HTRA3: variants seen among roughly 807,000 people sequenced by gnomAD.
The protein encoded by HTRA3 is HtrA serine peptidase 3, also known as serine protease HTRA3.
Under a neutral mutation model 43.2 loss-of-function variants are expected in HTRA3, and 41 were observed. The observed-to-expected ratio is 0.95, with a 90% CI of 0.74 to 1.23. The LOEUF (loss-of-function observed/expected upper bound fraction) is 1.23. Among genes scored for constraint, HTRA3 ranks in the 50% most tolerant of loss-of-function variants. The probability of loss-of-function intolerance (pLI) is 0.00; values close to 1 mark genes in which losing one functional copy is unlikely to be tolerated. For synonymous variants in HTRA3, 295 were observed against 287.9 expected, an observed-to-expected ratio of 1.02 and a Z score of -0.25; for missense variants, 628 against 647.1, an observed-to-expected ratio of 0.97 and a Z score of 0.32.
At position 8,279,697 on chromosome 4, in the gene HTRA3, C is replaced by T. The variant is rs753769739; in HGVS notation, c.386-2740C>T. ...TCCTTCTGCTGTGTTCACACTGGGC[C>T]CAGGTCCCTGTGTGCCGTGGCTGCC... On this transcript the variant is annotated intron_variant, in intron 1 of 8. Coordinates refer to ENST00000307358, the MANE Select transcript of HTRA3 (RefSeq NM_053044.5). This position sits in a 1 kb window ranked among gnomAD's most constrained non-coding sequence, Gnocchi z 7.4. Among the ~76,000 whole-genome samples the T allele has an allele frequency of 4.6e-5, 7 of 152,166 alleles. No homozygotes were observed. Among genetic ancestry groups the T allele is most frequent in the Non-Finnish European group, 8.8e-5 (6 of 68,028 alleles).
intron 3 of HTRA3, among the ~76,000 whole-genome samples, chr4:8,287,650 T>C (rs1171918150): frequency 6.6e-6 from 1 of 152,104 alleles, no homozygotes; most frequent in Admixed American, 6.5e-5. Flanking sequence ...TCTGCCCCCA[T>C]GATCCCATCA....
At position 8,304,278 on chromosome 4, in the gene HTRA3, A is replaced by C; in HGVS notation, c.1195A>C (p.Arg399=). 6.2e-7 allele frequency: 1 copy of C among 1,613,620 alleles called. No homozygotes were observed. The highest frequency in any genetic ancestry group is 8.5e-7 in the Non-Finnish European group (1 of 1,179,550). The change falls in exon 8 of 9, where the codon AGA becomes CGA. Residue 399 remains arginine, a splice_region_variant and synonymous_variant. Coordinates refer to ENST00000307358, the MANE Select transcript of HTRA3 (RefSeq NM_053044.5). ...QEVAPNSPSQ[R]GGIQDGDIIV... ...GGTTGCGCCGAATTCACCTTCTCAGAGGTAGGCTCTGCCAGAGGAGATCGC... is the reference window on the plus strand; with the variant it reads ...GGTTGCGCCGAATTCACCTTCTCAGCGGTAGGCTCTGCCAGAGGAGATCGC...
rs933171251 is a variant in HTRA3, at chr4:8,295,577, T to C, written c.1051+1376T>C. 4 of 666,012 alleles carry C rather than the reference T, an allele frequency of 6.0e-6. No individual in the cohort carries two copies. The Admixed American group carries it at 1.7e-4, about 28-fold the overall frequency. 41.3% of individuals were successfully genotyped at this position (666,012 alleles called of 1,614,324 possible). ...GGGGCCTCTCCCTCCCCACCTTCTC[T>C]TCAGCCCTAGTGAGCTTCTCCCTCC... On this transcript the variant is annotated intron_variant, in intron 6 of 8. Coordinates refer to ENST00000307358, the MANE Select transcript of HTRA3 (RefSeq NM_053044.5). The surrounding 1 kb of genome is among the most constrained non-coding windows in gnomAD (Gnocchi z 6.9).
At chr4:8,273,312 C>T (rs767384973) in intron 1 of HTRA3, among the ~76,000 whole-genome samples, 2 of 152,180 alleles carry the variant, frequency 1.3e-5, no homozygotes, top group Non-Finnish European at 2.9e-5. Flanking sequence ...TCTGCCCTCC[C>T]GAGGTCCCAG....
chr4:8,287,620 TGAG>T (rs1713047001), intron 3 of HTRA3, among the ~76,000 whole-genome samples: 1 of 151,852 alleles, frequency 6.6e-6, no homozygotes, highest in Non-Finnish European at 1.5e-5. Context: ...CTCACCACCA[TGAG>T]AACAGCATGG....
At chr4:8,302,249 G>T (rs1713680234) in intron 6 of HTRA3, among the ~76,000 whole-genome samples, 1 of 152,144 alleles carries the variant, frequency 6.6e-6, no homozygotes, top group Non-Finnish European at 1.5e-5. Context: ...TGTGGGGCGA[G>T]CCACACTAGA....
intron 3 of HTRA3, 89 bp from the exon 4 acceptor site, chr4:8,291,280 TG>T: frequency 8.5e-7 from 1 of 1,175,220 alleles, no homozygotes; most frequent in Non-Finnish European, 1.3e-6. Context: ...ATGCCTTCCC[TG>T]GGACCCCCCT....
intron 1 of HTRA3, among the ~76,000 whole-genome samples, chr4:8,282,010 A>G (rs1370700770): frequency 6.6e-6 from 1 of 152,124 alleles, no homozygotes; most frequent in African/African-American, 2.4e-5. Context: ...GCTGGAGCCC[A>G]TGAGGAGAGG....
At chr4:8,290,116 T>C in intron 3 of HTRA3, among the ~76,000 whole-genome samples, 1 of 152,258 alleles carries the variant, frequency 6.6e-6, no homozygotes, top group East Asian at 1.9e-4. Flanking sequence ...TGTGCAGGCC[T>C]GGTTCCGCCA....
At chr4:8,274,301 G>A (rs1182169375) in intron 1 of HTRA3, among the ~76,000 whole-genome samples, 1 of 152,122 alleles carries the variant, frequency 6.6e-6, no homozygotes, top group East Asian at 1.9e-4. Context: ...GCCTTCACCC[G>A]GATGTCCCAC....
chr4:8,294,210 CTCA>C lies in HTRA3; in HGVS notation c.1051+10_1051+12del. ...AGACAAGCAGATCAAAGGTAAAGAG[CTCA>C]CCTGGAGGGGGCCAGAGGCAGGGGG... On this transcript the variant is annotated intron_variant, in intron 6 of 8. Coordinates refer to ENST00000307358, the MANE Select transcript of HTRA3 (RefSeq NM_053044.5). 6.3e-7 allele frequency: 1 copy of C among 1,592,608 alleles called. No individual in the cohort carries two copies.
At chr4:8,278,245 C>A (rs1413720204) in intron 1 of HTRA3, among the ~76,000 whole-genome samples, 1 of 152,080 alleles carries the variant, frequency 6.6e-6, no homozygotes, top group Non-Finnish European at 1.5e-5. Context: ...AGCCCTGGCA[C>A]CCTACTTGTC....
At position 8,296,538 on chromosome 4, in the gene HTRA3, G is replaced by A; in HGVS notation, c.1051+2337G>A. Reference sequence around the variant, plus strand: ...TTATTAAATCAAGGAGATGTTAAGTGCATTTATTATTCTCGTCTGGAGGTG... The same window carrying A: ...TTATTAAATCAAGGAGATGTTAAGTACATTTATTATTCTCGTCTGGAGGTG... On this transcript the variant is annotated intron_variant, in intron 6 of 8. Transcript: ENST00000307358. This position sits in a 1 kb window ranked among gnomAD's most constrained non-coding sequence, Gnocchi z 5.3. 1 of 985,082 alleles carries A rather than the reference G, an allele frequency of 1.0e-6. No homozygotes were observed. The highest frequency in any genetic ancestry group is 1.2e-6 in the Non-Finnish European group (1 of 829,612). 61.0% of individuals were successfully genotyped at this position (985,082 alleles called of 1,614,324 possible).
chr4:8,291,685 A>G (rs2153006044), intron 4 of HTRA3, 121 bp downstream of exon 4: 3 of 693,670 alleles, frequency 4.3e-6, no homozygotes, highest in East Asian at 5.6e-5. Context: ...CGACACATCC[A>G]CTTGCTAGAA....
intron 3 of HTRA3, among the ~76,000 whole-genome samples, chr4:8,290,647 T>G (rs1713197042): frequency 6.6e-6 from 1 of 152,222 alleles, no homozygotes; most frequent in African/African-American, 2.4e-5. Context: ...CGGCACCTTC[T>G]AACAAGCACC....
At chr4:8,276,982 G>C (rs1055273317) in intron 1 of HTRA3, among the ~76,000 whole-genome samples, 5 of 152,244 alleles carry the variant, frequency 3.3e-5, no homozygotes, top group Admixed American at 2.6e-4. Context: ...AGCCCAGCCT[G>C]ACGTCCCATG....
At chr4:8,303,808 C>T (rs952454135) in intron 7 of HTRA3, among the ~76,000 whole-genome samples, 1 of 144,656 alleles carries the variant, frequency 6.9e-6, no homozygotes, top group Non-Finnish European at 1.5e-5. Context: ...CTGTACGTTC[C>T]GTGACTCAGC....
intron 3 of HTRA3, among the ~76,000 whole-genome samples, chr4:8,289,368 G>A (rs1713134185): frequency 6.6e-6 from 1 of 152,242 alleles, no homozygotes; most frequent in African/African-American, 2.4e-5. Context: ...ACAGGTGGGT[G>A]TGGCTGCGTT....
At chr4:8,284,814 G>A (rs981083925) in intron 2 of HTRA3, among the ~76,000 whole-genome samples, 5 of 152,164 alleles carry the variant, frequency 3.3e-5, no homozygotes, top group South Asian at 2.1e-4. Flanking sequence ...TCAGCGTCTC[G>A]GGACTCAGTT....
Sources: gnomAD v4.1 joint callset for allele counts (sites outside exome capture counted in the v4.1 genomes callset) on GRCh38, gnomAD v4.1.1 for gene constraint, Gnocchi (gnomAD v3.1) non-coding constraint, MANE v1.5 for transcripts, NCBI Gene and HGNC (gene_info 2026-07-23, HGNC 2026-07-21) for gene names.